SLC22A16: variants seen among roughly 807,000 people sequenced by gnomAD.
The protein encoded by SLC22A16 is solute carrier family 22 member 16, also known as WUGSC:RG331P03.1.
Under a neutral mutation model 52.9 loss-of-function variants are expected in SLC22A16, and 53 were observed. The observed-to-expected ratio is 1.00, with a 90% CI of 0.80 to 1.26. SLC22A16 has a LOEUF of 1.26. Among genes scored for constraint, SLC22A16 ranks in the 50% most tolerant of loss-of-function variants. The probability of loss-of-function intolerance (pLI) is 0.00; values close to 1 mark genes in which losing one functional copy is unlikely to be tolerated. For synonymous variants in SLC22A16, 291 were observed against 268.8 expected (o/e 1.08, Z -0.81); for missense variants, 726 against 704.0 (o/e 1.03, Z -0.35).
At chr6:110,457,598 A>C (rs993941220) in intron 1 of SLC22A16, among the ~76,000 whole-genome samples, 1 of 152,202 alleles carries the variant, frequency 6.6e-6, no homozygotes, top group Non-Finnish European at 1.5e-5. Context: ...ACCAATCATT[A>C]GTTTGTAGTA....
chr6:110,451,113 G>A (rs1775363646), intron 2 of SLC22A16, among the ~76,000 whole-genome samples: 1 of 152,162 alleles, frequency 6.6e-6, no homozygotes, highest in Admixed American at 6.5e-5. Context: ...ATGTATAGGA[G>A]ATTCATCTAT....
intron 1 of SLC22A16, among the ~76,000 whole-genome samples, chr6:110,470,206 C>T (rs1307257397): frequency 2.0e-5 from 3 of 152,118 alleles, no homozygotes; most frequent in Non-Finnish European, 2.9e-5. Flanking sequence ...TGTTGAGAGC[C>T]TAAGGAGCAC....
intron 2 of SLC22A16, among the ~76,000 whole-genome samples, chr6:110,449,802 A>G (rs1775304259): frequency 6.6e-6 from 1 of 152,126 alleles, no homozygotes. Context: ...TTCTTACATC[A>G]TTCATCCCAC....
chr6:110,460,488 C>T (rs1481694156), intron 1 of SLC22A16, among the ~76,000 whole-genome samples: 1 of 151,876 alleles, frequency 6.6e-6, no homozygotes, highest in Non-Finnish European at 1.5e-5. Context: ...GATAGGGGTG[C>T]ATCCCTTCTC....
At chr6:110,473,717 T>A (rs1320806717) in intron 1 of SLC22A16, among the ~76,000 whole-genome samples, 1 of 124,870 alleles carries the variant, frequency 8.0e-6, no homozygotes, top group Non-Finnish European at 1.7e-5. Context: ...AGTGGAGACT[T>A]GGTTTCACTA....
Position 110,442,682 on chromosome 6 carries a change from AG to A in SLC22A16, c.744del (p.Phe250LeufsTer10), listed in dbSNP as rs749727821. 6 of 1,614,068 alleles carry A rather than the reference AG, an allele frequency of 3.7e-6. No homozygotes were observed. The highest frequency in any genetic ancestry group is 1.6e-4 in the Middle Eastern group (1 of 6,084). ...ACCAGCAGGGTTCCAACTGCAAAAA[AG>A]GAATGCAAATGGACAGACGCCCATG... ...SRTWASVHLH[S>X]FFAVGTLLVA... On this transcript the variant is annotated frameshift_variant, in exon 4 of 8. Transcript: ENST00000368919. LOFTEE classifies it high-confidence loss of function.
rs563961243 is a variant in SLC22A16, at chr6:110,430,875, C to G, written c.1521+296G>C. ...CAGATGCCCTGAGGAGGACAGAGACCAGAGCTCTCCCTTCCCCAGGCCTGG... is the reference window on the plus strand; with the variant it reads ...CAGATGCCCTGAGGAGGACAGAGACGAGAGCTCTCCCTTCCCCAGGCCTGG... On this transcript the variant is annotated intron_variant, in intron 7 of 7. Coordinates refer to ENST00000368919, the MANE Select transcript of SLC22A16 (RefSeq NM_033125.4). 2.2e-3 allele frequency among the ~76,000 whole-genome samples: 341 copies of G among 152,304 alleles called. 2 individuals carry two copies. Among genetic ancestry groups the G allele is most frequent in the African/African-American group, 8.0e-3 (333 of 41,570 alleles).
intron 1 of SLC22A16, among the ~76,000 whole-genome samples, chr6:110,464,124 C>T (rs943599130): frequency 1.3e-5 from 2 of 151,964 alleles, no homozygotes; most frequent in Non-Finnish European, 1.5e-5. Flanking sequence ...CATACCAAAA[C>T]CTCTGGGATA....
chr6:110,468,414 G>A (rs1562301397), intron 1 of SLC22A16, among the ~76,000 whole-genome samples: 1 of 152,252 alleles, frequency 6.6e-6, no homozygotes, highest in Non-Finnish European at 1.5e-5. Flanking sequence ...GGAGGCCAAG[G>A]CAGGTGGATT....
intron 6 of SLC22A16, among the ~76,000 whole-genome samples, chr6:110,435,473 T>G (rs553118294): frequency 6.6e-6 from 1 of 152,276 alleles, no homozygotes; most frequent in East Asian, 1.9e-4. Context: ...TAAATTTCTA[T>G]TGTTTAAGCC....
At chr6:110,425,403 G>T (rs1159278285) in intron 7 of SLC22A16, 1 of 1,326,422 alleles carries the variant, frequency 7.5e-7, no homozygotes, top group Non-Finnish European at 1.0e-6. Context: ...AAAGAAAAAA[G>T]ACACTTACCC....
chr6:110,432,002 C>T (rs1431041035), intron 6 of SLC22A16, among the ~76,000 whole-genome samples: 3 of 152,028 alleles, frequency 2.0e-5, no homozygotes, highest in Non-Finnish European at 4.4e-5. Context: ...GTGTACTGTT[C>T]TATTTCAACT....
chr6:110,465,512 TAAATCA>T (rs982200714), intron 1 of SLC22A16, among the ~76,000 whole-genome samples: 4 of 151,680 alleles, frequency 2.6e-5, no homozygotes, highest in Non-Finnish European at 5.9e-5. Context: ...AGCTGCAAAC[TAAATCA>T]AAAAGTCAAT....
chr6:110,472,931 A>G (rs1031082030), intron 1 of SLC22A16, among the ~76,000 whole-genome samples: 1 of 152,240 alleles, frequency 6.6e-6, no homozygotes, highest in Non-Finnish European at 1.5e-5. Context: ...ATACCATTCC[A>G]TATAAAAGCA....
intron 1 of SLC22A16, among the ~76,000 whole-genome samples, chr6:110,461,903 C>T (rs1179162585): frequency 2.6e-5 from 4 of 152,170 alleles, no homozygotes; most frequent in Non-Finnish European, 5.9e-5. Context: ...CAATTTCATG[C>T]TGCTGATAAA....
chr6:110,473,555 C>T (rs1326217396), intron 1 of SLC22A16, among the ~76,000 whole-genome samples: 10 of 102,104 alleles, frequency 9.8e-5, no homozygotes, highest in African/African-American at 3.5e-4. Flanking sequence ...GACGGAATCT[C>T]GTTCTGTCGC....
At chr6:110,425,405 CACTT>C (rs750039120) in intron 7 of SLC22A16, 2 of 1,324,328 alleles carry the variant, frequency 1.5e-6, no homozygotes, top group Admixed American at 4.5e-5. Context: ...AGAAAAAAGA[CACTT>C]ACCCCATCTT....
intron 2 of SLC22A16, among the ~76,000 whole-genome samples, chr6:110,454,601 ATATT>A (rs1294579473): frequency 1.0e-5 from 1 of 96,230 alleles, no homozygotes; most frequent in Non-Finnish European, 1.9e-5. Flanking sequence ...ATATTTATAT[ATATT>A]ATATATTTTA....
intron 5 of SLC22A16, among the ~76,000 whole-genome samples, chr6:110,436,498 T>C (rs1348354070): frequency 6.6e-6 from 1 of 152,154 alleles, no homozygotes; most frequent in African/African-American, 2.4e-5. Flanking sequence ...TGATGGTACA[T>C]GCCTGTGGTC....
Sources: allele counts gnomAD v4.1 joint callset (sites outside exome capture counted in the v4.1 genomes callset), GRCh38; gene constraint gnomAD v4.1.1; transcripts MANE v1.5; gene names NCBI Gene and HGNC (gene_info 2026-07-23, HGNC 2026-07-21).